GRM8: variants seen among roughly 807,000 people sequenced by gnomAD.
GRM8 encodes the protein glutamate metabotropic receptor 8.
In GRM8, 47 loss-of-function variants were observed where a neutral mutation model predicts 87.2. The observed-to-expected ratio is 0.54, with a 90% CI of 0.43 to 0.69. The LOEUF is 0.69. GRM8 is among the 30% of genes least tolerant of loss of function. The probability of loss-of-function intolerance (pLI) is 0.00; values close to 1 mark genes in which losing one functional copy is unlikely to be tolerated. For synonymous variants in GRM8, 396 were observed against 404.5 expected (o/e 0.98, Z 0.25); for missense variants, 1,019 against 1,139.2 (o/e 0.89, Z 1.52).
intron 6 of GRM8, among the ~76,000 whole-genome samples, chr7:126,892,528 G>A (rs1419718187): frequency 1.3e-5 from 2 of 151,808 alleles, no homozygotes; most frequent in Non-Finnish European, 2.9e-5. Flanking sequence ...TCTTAATCCA[G>A]TCTATCATTG....
At position 126,551,772 on chromosome 7, in the gene GRM8, G is replaced by A. The variant is rs116615290; in HGVS notation, c.1495-17885C>T. Among the ~76,000 whole-genome samples, 559 of 151,988 alleles carry A rather than the reference G, an allele frequency of 3.7e-3. 5 individuals are homozygous for A. Among genetic ancestry groups the A allele is most frequent in the African/African-American group, 0.013 (538 of 41,446 alleles). On this transcript the variant is annotated intron_variant, in intron 8 of 10. Coordinates refer to ENST00000339582, the MANE Select transcript of GRM8 (RefSeq NM_000845.3). ...ATTCCTTGACTACCACAAAGGGAAC[G>A]TAGCTAGCTTTCTTTCTCTTCTAAT...
chr7:126,471,551 T>C (rs530008161), intron 9 of GRM8, among the ~76,000 whole-genome samples: 2 of 152,084 alleles, frequency 1.3e-5, no homozygotes, highest in South Asian at 4.2e-4. Flanking sequence ...TTGATCTATA[T>C]CTCTGTTTTG....
chr7:127,123,369 C>T (rs576406995), intron 2 of GRM8, among the ~76,000 whole-genome samples: 14 of 152,250 alleles, frequency 9.2e-5, no homozygotes, highest in Admixed American at 4.6e-4. Flanking sequence ...TTCCTGAATA[C>T]GCTAATGCCC....
intron 2 of GRM8, among the ~76,000 whole-genome samples, chr7:127,189,148 T>C (rs767025264): frequency 2.0e-5 from 3 of 152,182 alleles, no homozygotes; most frequent in Non-Finnish European, 4.4e-5. Context: ...CACAGTATGG[T>C]AGGAAGACCT....
chr7:126,567,019 T>C (rs1158781881), intron 8 of GRM8, among the ~76,000 whole-genome samples: 5 of 152,162 alleles, frequency 3.3e-5, no homozygotes, highest in African/African-American at 7.2e-5. Context: ...TTACCACTTA[T>C]ATGAGTCGAA....
chr7:126,755,199 G>T (rs897822597), intron 7 of GRM8, among the ~76,000 whole-genome samples: 1 of 151,904 alleles, frequency 6.6e-6, no homozygotes, highest in African/African-American at 2.4e-5. Flanking sequence ...AAGATGAAAA[G>T]AAAAACTTTC....
At chr7:127,175,581 G>A (rs1361960) in intron 2 of GRM8, among the ~76,000 whole-genome samples, 101,920 of 151,988 alleles carry the variant, frequency 0.67, 35,183 homozygotes, top group African/African-American at 0.76. Flanking sequence ...GAAAACCTTA[G>A]AAGAAGCCAG....
intron 7 of GRM8, among the ~76,000 whole-genome samples, chr7:126,621,731 T>A (rs1219957995): frequency 3.4e-5 from 5 of 148,072 alleles, no homozygotes; most frequent in African/African-American, 7.4e-5. Context: ...AATCACCATT[T>A]AAAAAAAAAA....
At chr7:127,015,081 GAA>G (rs1815399875) in intron 3 of GRM8, among the ~76,000 whole-genome samples, 1 of 89,996 alleles carries the variant, frequency 1.1e-5, no homozygotes, top group Non-Finnish European at 2.9e-5. Flanking sequence ...GAAAGAAGGA[GAA>G]GAAGGAGAAG....
chr7:127,243,322 C>T lies in GRM8; in HGVS notation c.-118G>A. 1.2e-6 allele frequency: 1 copy of T among 861,906 alleles called. No homozygotes were observed. The highest frequency in any genetic ancestry group is 1.8e-6 in the Non-Finnish European group (1 of 560,568). 53.4% of individuals were successfully genotyped at this position (861,906 alleles called of 1,614,324 possible). Reference sequence around the variant, plus strand: ...ACCATCAGGGCCCATGGGGAAAAGGCTCTGTGGGCATTAGCAAGTTTTCTT... The same window carrying T: ...ACCATCAGGGCCCATGGGGAAAAGGTTCTGTGGGCATTAGCAAGTTTTCTT... On this transcript the variant is annotated 5_prime_UTR_variant, in exon 2 of 11. Coordinates refer to ENST00000339582, the MANE Select transcript of GRM8 (RefSeq NM_000845.3).
At chr7:127,006,349 T>C (rs1179176146) in intron 3 of GRM8, among the ~76,000 whole-genome samples, 1 of 152,006 alleles carries the variant, frequency 6.6e-6, no homozygotes, top group South Asian at 2.1e-4. Context: ...CATGTAAACA[T>C]GTTGTAAAAA....
chr7:126,536,293 G>C (rs1057438942), intron 8 of GRM8, among the ~76,000 whole-genome samples: 1 of 152,184 alleles, frequency 6.6e-6, no homozygotes, highest in African/African-American at 2.4e-5. Context: ...AATTACTTAA[G>C]AATGCTTTCC....
At chr7:127,170,469 A>T (rs1353632066) in intron 2 of GRM8, among the ~76,000 whole-genome samples, 1 of 152,234 alleles carries the variant, frequency 6.6e-6, no homozygotes, top group African/African-American at 2.4e-5. Flanking sequence ...CTACCATTTG[A>T]TCCAGCAATC....
At chr7:127,001,143 T>G (rs1813695004) in intron 3 of GRM8, among the ~76,000 whole-genome samples, 2 of 151,636 alleles carry the variant, frequency 1.3e-5, no homozygotes, top group African/African-American at 4.8e-5. Context: ...TCTGACAAAG[T>G]GCCAAGATAA....
At chr7:126,509,375 A>G (rs972017679) in intron 9 of GRM8, among the ~76,000 whole-genome samples, 1 of 152,042 alleles carries the variant, frequency 6.6e-6, no homozygotes, top group African/African-American at 2.4e-5. Context: ...TTCAGAAACT[A>G]TATATTTGTC....
intron 1 of GRM8, among the ~76,000 whole-genome samples, chr7:127,246,677 C>T (rs1366356859): frequency 1.3e-5 from 2 of 152,200 alleles, no homozygotes; most frequent in African/African-American, 4.8e-5. Context: ...GAAGCAGGCA[C>T]CCTGGCTGGA....
chr7:126,816,583 A>G (rs1022836241), intron 6 of GRM8, among the ~76,000 whole-genome samples: 2 of 152,130 alleles, frequency 1.3e-5, no homozygotes, highest in African/African-American at 4.8e-5. Context: ...GAAAAATAAG[A>G]GTAATGTAAT....
intron 3 of GRM8, among the ~76,000 whole-genome samples, chr7:126,957,294 A>G (rs1563353572): frequency 6.6e-6 from 1 of 152,218 alleles, no homozygotes; most frequent in Non-Finnish European, 1.5e-5. Context: ...CATAACCATG[A>G]GGTCTCTTCC....
At chr7:126,633,770 CTATT>C (rs1203978888) in intron 7 of GRM8, among the ~76,000 whole-genome samples, 1 of 106,574 alleles carries the variant, frequency 9.4e-6, no homozygotes, top group African/African-American at 2.9e-5. Flanking sequence ...TCATATTAAT[CTATT>C]TATATGTACC....
Sources: allele counts gnomAD v4.1 joint callset (sites outside exome capture counted in the v4.1 genomes callset), GRCh38; gene constraint gnomAD v4.1.1; transcripts MANE v1.5; gene names NCBI Gene and HGNC (gene_info 2026-07-23, HGNC 2026-07-21).